The following HIBCH variants were observed in gnomAD, a reference collection of about 807,000 sequenced individuals.
HIBCH encodes 3-hydroxyisobutyryl-CoA hydrolase.
HIBCH carries 50 observed loss-of-function variants against 58.2 expected under a neutral mutation model. The ratio of observed to expected loss-of-function variants is 0.86; its 90% CI spans 0.68 to 1.09. The LOEUF is 1.09. Among genes scored for constraint, HIBCH ranks in the 50% least tolerant of loss-of-function variants. The pLI, the probability that HIBCH is intolerant of heterozygous loss-of-function variation, is 0.00. For missense variants in HIBCH, 450 were observed against 449.7 expected (o/e 1.00, Z -0.01); for synonymous variants, 151 against 146.9 (o/e 1.03, Z -0.20).
chr2:190,271,278 C>A (rs2582766), intron 6 of HIBCH, among the ~76,000 whole-genome samples: 74,090 of 138,342 alleles, frequency 0.54, 20,583 homozygotes, highest in South Asian at 0.6. Context: ...TTATCTCTAC[C>A]CTACTTTTTT....
chr2:190,195,474 TCTCA>T (rs1054815589), intron 1 of HIBCH, among the ~76,000 whole-genome samples: 4 of 152,348 alleles, frequency 2.6e-5, no homozygotes, highest in South Asian at 2.1e-4. Flanking sequence ...TTTGCCATTA[TCTCA>T]CTGTTTAAAT....
chr2:190,200,432 G>A (rs1339854152), downstream of HIBCH: 2 of 280,206 alleles, frequency 7.1e-6, no homozygotes, highest in Non-Finnish European at 7.2e-6. Context: ...CTAAGTAATG[G>A]CATCACCAAA....
chr2:190,316,044 T>C (rs549477298), intron 1 of HIBCH, among the ~76,000 whole-genome samples: 1 of 152,346 alleles, frequency 6.6e-6, no homozygotes, highest in Non-Finnish European at 1.5e-5. Context: ...CTCAGCTTTC[T>C]GTAAGGAATA....
chr2:190,222,171 CG>C (rs1559017579), intron 11 of HIBCH, among the ~76,000 whole-genome samples: 1 of 152,164 alleles, frequency 6.6e-6, no homozygotes, highest in African/African-American at 2.4e-5. Context: ...GTTTTGCTCC[CG>C]TCAGTGCCCA....
Position 190,211,734 on chromosome 2 carries a change from T to A in HIBCH, c.1011+1222A>T, listed in dbSNP as rs571741677. ...GTACTTATCACAATTTATAATTATT[T>A]TACTTATTTTGTTTACTTGTTCTTT... On this transcript the variant is annotated intron_variant, in intron 12 of 13. Coordinates refer to ENST00000359678, the MANE Select transcript of HIBCH (RefSeq NM_014362.4). This position sits in a 1 kb window ranked among gnomAD's most constrained non-coding sequence, Gnocchi z 5.0. Among the ~76,000 whole-genome samples the A allele has an allele frequency of 6.6e-6, 1 of 152,328 alleles. No homozygotes were observed. The highest frequency in any genetic ancestry group is 2.1e-4 in the South Asian group (1 of 4,828).
At chr2:190,262,231 GAAAAC>G (rs1434948014) in intron 6 of HIBCH, among the ~76,000 whole-genome samples, 11 of 149,702 alleles carry the variant, frequency 7.3e-5, no homozygotes, top group Non-Finnish European at 1.6e-4. Flanking sequence ...GTACAAGACA[GAAAAC>G]AAAACAAACA....
chr2:190,305,786 A>T (rs1399326797), intron 2 of HIBCH, among the ~76,000 whole-genome samples: 2 of 152,158 alleles, frequency 1.3e-5, no homozygotes, highest in Non-Finnish European at 2.9e-5. Flanking sequence ...ATTTCTATAA[A>T]GTCAGGTAAT....
chr2:190,319,359 C>T (rs1171548210), intron 1 of HIBCH, among the ~76,000 whole-genome samples: 1 of 152,188 alleles, frequency 6.6e-6, no homozygotes, highest in Non-Finnish European at 1.5e-5. Flanking sequence ...GCTGGCTGCA[C>T]AAAACATGCC....
In HIBCH at chr2:190,315,469, G is replaced by A. The variant is rs1268152915; in HGVS notation, c.35+4247C>T. 6.6e-6 allele frequency among the ~76,000 whole-genome samples: 1 copy of A among 152,172 alleles called. No homozygotes were observed. The highest frequency in any genetic ancestry group is 2.4e-5 in the African/African-American group (1 of 41,436). On this transcript the variant is annotated intron_variant, in intron 1 of 13. Transcript: ENST00000359678. The surrounding 1 kb of genome is among the most constrained non-coding windows in gnomAD (Gnocchi z 5.4). ...AATCTGTGTTTAACAAACCCTCCAG[G>A]TGGTTATGATGCGTGAAGTTTAAAT...
chr2:190,270,602 T>C (rs1436150747), intron 6 of HIBCH, among the ~76,000 whole-genome samples: 2 of 152,252 alleles, frequency 1.3e-5, no homozygotes, highest in East Asian at 1.9e-4. Context: ...AGCCTATCGC[T>C]ATCACTCAGG....
chr2:190,232,589 C>A (rs1686136028), intron 11 of HIBCH, among the ~76,000 whole-genome samples: 1 of 152,202 alleles, frequency 6.6e-6, no homozygotes, highest in Non-Finnish European at 1.5e-5. Flanking sequence ...GGTTTGTATT[C>A]TTTTGCTACA....
rs375331180 is a variant in HIBCH, at chr2:190,198,179, C to T, written c.*17+6921G>A. On this transcript the variant is annotated intron_variant, in intron 1 of 1. Coordinates refer to the HIBCH transcript ENST00000399855. ...AAGACTGCCTTTCCTTTCTTACCCT[C>T]ATATCACTCTTATTAGGGGTAGGAA... is the stretch of plus-strand genomic sequence containing the variant. Among the ~76,000 whole-genome samples, 28 of 151,968 alleles carry T rather than the reference C, an allele frequency of 1.8e-4. No individual in the cohort carries two copies. The East Asian group carries it at 4.4e-3, about 24-fold the overall frequency.
intron 11 of HIBCH, among the ~76,000 whole-genome samples, chr2:190,233,829 T>C (rs1686183974): frequency 6.6e-6 from 1 of 152,230 alleles, no homozygotes; most frequent in African/African-American, 2.4e-5. Context: ...CATGCTATTT[T>C]ATATATCCCA....
intron 3 of HIBCH, among the ~76,000 whole-genome samples, chr2:190,295,226 A>T (rs1271653619): frequency 1.3e-5 from 2 of 152,224 alleles, no homozygotes; most frequent in African/African-American, 2.4e-5. Context: ...CCACAGACAG[A>T]AAACTTAACA....
intron 11 of HIBCH, 36 bp downstream of exon 11, chr2:190,244,851 T>C: frequency 7.4e-7 from 1 of 1,354,864 alleles, no homozygotes; most frequent in Non-Finnish European, 1.1e-6. Context: ...CGGACTTCAC[T>C]ATGTTCACTC....
intron 7 of HIBCH, 62 bp from the exon 8 acceptor site, chr2:190,252,369 T>A: frequency 7.1e-7 from 1 of 1,406,610 alleles, no homozygotes; most frequent in Non-Finnish European, 1.0e-6. Flanking sequence ...AAATATAACC[T>A]TTTTGCCGTA....
intron 6 of HIBCH, among the ~76,000 whole-genome samples, chr2:190,265,832 A>C (rs1454633763): frequency 6.6e-6 from 1 of 152,086 alleles, no homozygotes; most frequent in Admixed American, 6.5e-5. Flanking sequence ...TTTAATGGCT[A>C]TGGGTTTTAT....
At chr2:190,212,331 T>C (rs888474824) in intron 12 of HIBCH, among the ~76,000 whole-genome samples, 2 of 152,198 alleles carry the variant, frequency 1.3e-5, no homozygotes, top group African/African-American at 2.4e-5. Context: ...AGCCAAATAG[T>C]CCCTTTAGTC....
chr2:190,290,624 CT>C, intron 4 of HIBCH, 139 bp from the exon 5 acceptor site: 1 of 661,972 alleles, frequency 1.5e-6, no homozygotes, highest in Non-Finnish European at 2.7e-6. Flanking sequence ...GAAGTTGCCC[CT>C]GCCACAGACA....
Sources: allele counts gnomAD v4.1 joint callset (sites outside exome capture counted in the v4.1 genomes callset), GRCh38; gene constraint gnomAD v4.1.1; non-coding constraint Gnocchi (gnomAD v3.1); transcripts MANE v1.5; gene names NCBI Gene and HGNC (gene_info 2026-07-23, HGNC 2026-07-21).